Variants in TTC6 observed in about 807,000 individuals in gnomAD.
TTC6 encodes tetratricopeptide repeat domain 6, also known as tetratricopeptide repeat protein 6.
In TTC6, 172 loss-of-function variants were observed where a neutral mutation model predicts 210.4. The observed-to-expected ratio is 0.82, with a 90% CI of 0.72 to 0.93. The LOEUF is 0.93. TTC6 is among the 40% of genes least tolerant of loss of function. The pLI is 0.00. For synonymous variants in TTC6, 804 were observed against 819.6 expected (o/e 0.98, Z 0.32); for missense variants, 2,414 against 2,318.1 (o/e 1.04, Z -0.85).
Position 37,736,013 on chromosome 14 carries a change from A to T in TTC6, c.1908+3A>T. 1 of 1,499,112 alleles carries T rather than the reference A, an allele frequency of 6.7e-7. No individual in the cohort carries two copies. Among genetic ancestry groups the T allele is most frequent in the Non-Finnish European group, 9.0e-7 (1 of 1,115,538 alleles). The allele number at this position is 1,499,112 out of a possible 1,614,324, so 92.9% of individuals were successfully genotyped here. Reference sequence around the variant, plus strand: ...AACATAGCAGAACAAATTTTTGGGTATGTACAATTTTTGTTCTTAATTAGG... The same window carrying T: ...AACATAGCAGAACAAATTTTTGGGTTTGTACAATTTTTGTTCTTAATTAGG... On this transcript the variant is annotated splice_donor_region_variant and intron_variant, in intron 8 of 30. Transcript: ENST00000553443.
intron 26 of TTC6, among the ~76,000 whole-genome samples, chr14:37,820,896 T>TCTCCTCCTCCTTCTC (rs763872556): frequency 1.3e-5 from 2 of 148,500 alleles, no homozygotes; most frequent in African/African-American, 2.5e-5. Context: ...TTCTCCTCCT[T>TCTCCTCCTCCTTCTC]CTCCTCCTTC....
In TTC6 at chr14:37,841,441, G is replaced by A. The variant is rs1192552222; in HGVS notation, c.5299-4G>A. 1 of 1,579,828 alleles carries A rather than the reference G, an allele frequency of 6.3e-7. No individual in the cohort carries two copies. The highest frequency in any genetic ancestry group is 8.5e-7 in the Non-Finnish European group (1 of 1,169,978). ...AAATATATCATTATCTTCATATTTT[G>A]TAGGCCAGTGACTACTTCTCAAAAG... On this transcript the variant is annotated splice_region_variant and splice_polypyrimidine_tract_variant and intron_variant, in intron 29 of 30. Transcript: ENST00000553443.
Position 37,775,519 on chromosome 14 carries a change from C to T in TTC6, c.3267-11949C>T, listed in dbSNP as rs547070417. Reference sequence around the variant, plus strand: ...CATTCAGGAGTAGGTTCTTAAATTTCCATGTAATTTTGTGGCTTTTGAGCA... The same window carrying T: ...CATTCAGGAGTAGGTTCTTAAATTTTCATGTAATTTTGTGGCTTTTGAGCA... On this transcript the variant is annotated intron_variant, in intron 14 of 30. Coordinates refer to ENST00000553443, the Ensembl canonical transcript of TTC6. Among the ~76,000 whole-genome samples, 7 of 152,250 alleles carry T rather than the reference C, an allele frequency of 4.6e-5. No homozygotes were observed. The South Asian group carries it at 1.0e-3, about 23-fold the overall frequency.
rs562250044 is a variant in TTC6 at position 37,606,433 on chromosome 14, C to G, written c.-234-230C>G. Among the ~76,000 whole-genome samples the G allele has an allele frequency of 2.0e-5, 3 of 152,242 alleles. No homozygotes were observed. In the South Asian group the frequency reaches 6.2e-4, roughly 32 times the overall value. On this transcript the variant is annotated intron_variant, in intron 1 of 2. Coordinates refer to the TTC6 transcript ENST00000556845. ...GGAGTACTTAGGCTTCCTGCTTTCT[C>G]CCTGCATCACTGTGGTTTTGTCCTT... is the stretch of plus-strand genomic sequence containing the variant.
chr14:37,790,789 T>C, exon 16 of TTC6: 1 of 1,534,784 alleles, frequency 6.5e-7, no homozygotes, highest in Non-Finnish European at 8.7e-7. Flanking sequence ...CATCTAAAAC[T>C]TTGGCTGCTG....
At chr14:37,731,572 A>G (rs1243182169) in intron 7 of TTC6, among the ~76,000 whole-genome samples, 2 of 152,156 alleles carry the variant, frequency 1.3e-5, no homozygotes, top group African/African-American at 4.8e-5. Context: ...TAATAGTGTC[A>G]ATTTTTACTT....
intron 1 of TTC6, among the ~76,000 whole-genome samples, chr14:37,669,550 T>C (rs1408015076): frequency 6.6e-6 from 1 of 152,184 alleles, no homozygotes; most frequent in Non-Finnish European, 1.5e-5. Flanking sequence ...CAAGTTTACT[T>C]TGTGCCTCTC....
chr14:37,764,016 T>A (rs945893847), intron 14 of TTC6, among the ~76,000 whole-genome samples: 1 of 152,130 alleles, frequency 6.6e-6, no homozygotes, highest in Non-Finnish European at 1.5e-5. Flanking sequence ...TCTCAAAGTA[T>A]TTTTTAATTT....
intron 3 of TTC6, among the ~76,000 whole-genome samples, chr14:37,686,232 C>T (rs923605044): frequency 1.7e-4 from 26 of 152,102 alleles, no homozygotes; most frequent in African/African-American, 6.3e-4. Flanking sequence ...ACAGTGCCCA[C>T]CTCATATTGT....
chr14:37,784,316 A>G (rs149647747), intron 14 of TTC6, among the ~76,000 whole-genome samples: 5,076 of 152,204 alleles, frequency 0.033, 137 homozygotes, highest in Non-Finnish European at 0.052. Flanking sequence ...TGTATTGGGT[A>G]CATATATATT....
intron 5 of TTC6, among the ~76,000 whole-genome samples, chr14:37,711,476 C>T (rs2095844644): frequency 6.6e-6 from 1 of 152,192 alleles, no homozygotes; most frequent in Non-Finnish European, 1.5e-5. Flanking sequence ...TCTCATCATT[C>T]TCCATTTCCA....
At chr14:37,818,887 CAA>C (rs1227522832) in intron 26 of TTC6, among the ~76,000 whole-genome samples, 2 of 152,096 alleles carry the variant, frequency 1.3e-5, no homozygotes, top group East Asian at 3.9e-4. Context: ...GGGTGAAGAC[CAA>C]AAGTGTCCGA....
chr14:37,792,776 TTG>T (rs34766491), intron 17 of TTC6, among the ~76,000 whole-genome samples: 27,919 of 139,716 alleles, frequency 0.2, 2,923 homozygotes, highest in African/African-American at 0.3. Context: ...TGGTCCAATG[TTG>T]TGTGTGTGTG....
chr14:37,760,176 G>T (rs577914453), intron 14 of TTC6, among the ~76,000 whole-genome samples: 6 of 152,078 alleles, frequency 3.9e-5, no homozygotes, highest in Admixed American at 6.5e-5. Flanking sequence ...CCTTTGGATG[G>T]GGTTTTTGTG....
intron 14 of TTC6, among the ~76,000 whole-genome samples, chr14:37,755,381 A>G (rs1291491712): frequency 6.6e-6 from 1 of 152,152 alleles, no homozygotes; most frequent in Non-Finnish European, 1.5e-5. Flanking sequence ...TCTTTAGTTT[A>G]ATTAGATCCC....
At chr14:37,823,249 T>C (rs1461363473) in intron 26 of TTC6, among the ~76,000 whole-genome samples, 5 of 152,188 alleles carry the variant, frequency 3.3e-5, no homozygotes, top group Non-Finnish European at 5.9e-5. Context: ...CCTCTCCTGG[T>C]GTCCACAGTG....
In TTC6 at chr14:37,727,719, GT is replaced by G. The variant is rs556641792; in HGVS notation, c.1818+2718del. ...TATTTCAAACCTTTTCATTTGCAGT[GT>G]CTTTATTTATTTTCAAAGTAATTTC... On this transcript the variant is annotated intron_variant, in intron 7 of 30. Transcript: ENST00000553443. 2.7e-3 allele frequency among the ~76,000 whole-genome samples: 406 copies of G among 150,276 alleles called. 3 individuals carry two copies. The highest frequency in any genetic ancestry group is 9.0e-3 in the African/African-American group (370 of 40,962).
intron 14 of TTC6, among the ~76,000 whole-genome samples, chr14:37,754,284 G>C (rs571493763): frequency 2.2e-4 from 33 of 152,022 alleles, no homozygotes; most frequent in Non-Finnish European, 3.5e-4. Context: ...TCCCCTCCCT[G>C]TGTCCATGTG....
At chr14:37,804,804 A>T (rs202090619) in exon 21 of TTC6, 151 of 1,613,692 alleles carry the variant, frequency 9.4e-5, no homozygotes, top group Middle Eastern at 8.3e-4. Context: ...GAGGAAGGCA[A>T]TTTACAAATG....
Sources: gnomAD v4.1 joint callset for allele counts (sites outside exome capture counted in the v4.1 genomes callset) on GRCh38, gnomAD v4.1.1 for gene constraint, MANE v1.5 for transcripts, NCBI Gene and HGNC (gene_info 2026-07-23, HGNC 2026-07-21) for gene names.